WDR59: variants seen among roughly 807,000 people sequenced by gnomAD.
WDR59 encodes GATOR2 complex protein WDR59.
Under a neutral mutation model 131.2 loss-of-function variants are expected in WDR59, and 100 were observed. The ratio of observed to expected loss-of-function variants is 0.76; its 90% CI spans 0.65 to 0.90. The LOEUF is 0.90. WDR59 is among the 40% of genes least tolerant of loss of function. The pLI, the probability that WDR59 is intolerant of heterozygous loss-of-function variation, is 0.00. For synonymous variants in WDR59, 601 were observed against 466.2 expected (o/e 1.29, Z -3.72); for missense variants, 1,203 against 1,262.2 (o/e 0.95, Z 0.71).
chr16:74,928,569 T>C (rs1320121497), intron 8 of WDR59, among the ~76,000 whole-genome samples: 1 of 152,016 alleles, frequency 6.6e-6, no homozygotes, highest in African/African-American at 2.4e-5. Context: ...GATAGCTACA[T>C]TGAAAGAAGT....
At chr16:74,904,123 T>C (rs754209645) in intron 17 of WDR59, 23 bp from the exon 18 acceptor site, 1 of 1,604,358 alleles carries the variant, frequency 6.2e-7, no homozygotes, top group African/African-American at 1.3e-5. Flanking sequence ...ATGATAATTA[T>C]CCACACTGGC....
Position 74,924,300 on chromosome 16 carries a change from G to A in WDR59, c.652-297C>T, listed in dbSNP as rs150244215. ...TTTAGAGCTGAAAATTCAGAGTGAC[G>A]TGTTTGATTTTGTATCACGTTTACA... is the stretch of plus-strand genomic sequence containing the variant. On this transcript the variant is annotated intron_variant, in intron 8 of 25. Coordinates refer to ENST00000262144, the MANE Select transcript of WDR59 (RefSeq NM_030581.4). 6.3e-3 allele frequency among the ~76,000 whole-genome samples: 966 copies of A among 152,290 alleles called. 14 individuals are homozygous for A. The highest frequency in any genetic ancestry group is 0.022 in the African/African-American group (912 of 41,560).
At chr16:74,970,740 G>A (rs2033950990) in intron 1 of WDR59, among the ~76,000 whole-genome samples, 4 of 152,020 alleles carry the variant, frequency 2.6e-5, no homozygotes, top group Admixed American at 2.6e-4. Flanking sequence ...GAGGTGCTCT[G>A]TAAAACTCTG....
At chr16:74,888,426 CTT>C in intron 21 of WDR59, 107 bp from the exon 22 acceptor site, 1 of 1,191,890 alleles carries the variant, frequency 8.4e-7, no homozygotes, top group East Asian at 2.7e-5. Context: ...AGGGAGGAGT[CTT>C]GATTCTGCCT....
intron 1 of WDR59, among the ~76,000 whole-genome samples, chr16:74,968,770 C>T (rs778776644): frequency 2.3e-4 from 35 of 151,996 alleles, no homozygotes; most frequent in African/African-American, 4.8e-5. Flanking sequence ...ACTATCATAA[C>T]TCACCCATAT....
chr16:74,884,044 C>T (rs1001230843), intron 25 of WDR59, among the ~76,000 whole-genome samples: 1 of 152,218 alleles, frequency 6.6e-6, no homozygotes, highest in Non-Finnish European at 1.5e-5. Context: ...ATCTAGGAAT[C>T]GTCCAAGTTT....
intron 10 of WDR59, among the ~76,000 whole-genome samples, chr16:74,920,718 T>A (rs1261863533): frequency 6.6e-6 from 1 of 152,188 alleles, no homozygotes; most frequent in Non-Finnish European, 1.5e-5. Context: ...TTATGATATT[T>A]TCAACTTACA....
At chr16:74,889,995 T>C (rs1234913174) in intron 20 of WDR59, among the ~76,000 whole-genome samples, 180 bp from the exon 21 acceptor site, 1 of 152,156 alleles carries the variant, frequency 6.6e-6, no homozygotes, top group Non-Finnish European at 1.5e-5. Flanking sequence ...GAATCAGCGT[T>C]TACACTTTAA....
intron 25 of WDR59, among the ~76,000 whole-genome samples, chr16:74,876,823 T>C (rs961141053): frequency 1.3e-5 from 2 of 152,098 alleles, no homozygotes; most frequent in African/African-American, 4.8e-5. Flanking sequence ...TGCTGGTGCG[T>C]GCTTCCTCTC....
intron 6 of WDR59, among the ~76,000 whole-genome samples, chr16:74,946,852 A>G (rs2032673117): frequency 6.6e-6 from 1 of 152,234 alleles, no homozygotes; most frequent in Admixed American, 6.5e-5. Context: ...AAAAAGTACC[A>G]TGTACAGTAA....
At chr16:74,899,442 C>G (rs192710360) in intron 18 of WDR59, among the ~76,000 whole-genome samples, 1 of 152,228 alleles carries the variant, frequency 6.6e-6, no homozygotes, top group Admixed American at 6.5e-5. Flanking sequence ...TCCAAGAAAC[C>G]CAGCATTAAC....
chr16:74,917,907 C>T, intron 11 of WDR59, 22 bp downstream of exon 11: 1 of 1,608,282 alleles, frequency 6.2e-7, no homozygotes. Context: ...TACATTTCTC[C>T]ACAATAGCAC....
Position 74,984,434 on chromosome 16 carries a change from G to T in WDR59, c.54+530C>A, listed in dbSNP as rs953434420. 3.5e-4 allele frequency among the ~76,000 whole-genome samples: 54 copies of T among 152,298 alleles called. 1 individual carries two copies. The highest frequency in any genetic ancestry group is 2.1e-4 in the South Asian group (1 of 4,830). The stretch of plus-strand genomic sequence containing the variant: ...TGCGGGATTCGAACTCGGGCAACAC[G>T]TGCAGTGTCACTCCTATCCACTACA... On this transcript the variant is annotated intron_variant, in intron 1 of 25. Coordinates refer to ENST00000262144, the MANE Select transcript of WDR59 (RefSeq NM_030581.4).
chr16:74,902,095 C>A (rs1456887007), intron 18 of WDR59, among the ~76,000 whole-genome samples: 1 of 152,140 alleles, frequency 6.6e-6, no homozygotes, highest in Non-Finnish European at 1.5e-5. Flanking sequence ...TGTTCTATTT[C>A]TTGACCTGTG....
In WDR59 at chr16:74,909,614, T is replaced by C. The variant is rs775455824; in HGVS notation, c.1529A>G (p.Asn510Ser). The C allele has an allele frequency of 6.9e-6, 11 of 1,601,224 alleles. No homozygotes were observed. The East Asian group carries it at 1.6e-4, about 23-fold the overall frequency. ...SASSNPFALP[N>S]SVTPPLPTFA... is the part of the protein sequence containing the mutation. The stretch of plus-strand genomic sequence containing the variant: ...CGTCGGTAAGGGGGGAGTGACAGAG[T>C]TGGGGAGTGCAAACGGGTTGCTGGA... The change falls in exon 16 of 26, where the codon AAC (asparagine) becomes AGC (serine). Residue 510 changes from asparagine to serine, a missense_variant. Coordinates refer to ENST00000262144, the MANE Select transcript of WDR59 (RefSeq NM_030581.4).
chr16:74,874,190 A>G lies in WDR59; in HGVS notation c.*19T>C. ...TATGGGTCCTCTGGGATTTCAGACA[A>G]TACCCAACTTCTGTAGGTTCAGAAA... On this transcript the variant is annotated 3_prime_UTR_variant, in exon 26 of 26. Transcript: ENST00000262144. 1 of 1,602,900 alleles carries G rather than the reference A, an allele frequency of 6.2e-7. No homozygotes were observed. The highest frequency in any genetic ancestry group is 1.3e-5 in the African/African-American group (1 of 74,790).
At chr16:74,925,892 G>C (rs1313921577) in intron 8 of WDR59, among the ~76,000 whole-genome samples, 1 of 151,704 alleles carries the variant, frequency 6.6e-6, no homozygotes. Flanking sequence ...GGCTGAAGTG[G>C]GAGGAATGAT....
chr16:74,901,456 C>A (rs145146885), intron 18 of WDR59, among the ~76,000 whole-genome samples: 2 of 151,870 alleles, frequency 1.3e-5, no homozygotes, highest in Admixed American at 1.3e-4. Flanking sequence ...GGCAACATAG[C>A]GGGACCCCAG....
intron 7 of WDR59, among the ~76,000 whole-genome samples, chr16:74,940,107 A>G (rs2032098341): frequency 6.6e-6 from 1 of 152,158 alleles, no homozygotes; most frequent in Non-Finnish European, 1.5e-5. Context: ...GGCCAGGCGC[A>G]GTGGCTCACG....
Sources: gnomAD v4.1 joint callset for allele counts (sites outside exome capture counted in the v4.1 genomes callset) on GRCh38, gnomAD v4.1.1 for gene constraint, MANE v1.5 for transcripts, NCBI Gene and HGNC (gene_info 2026-07-23, HGNC 2026-07-21) for gene names.